Variants in RNF212 observed in about 807,000 individuals in gnomAD.
The protein encoded by RNF212 is probable E3 SUMO-protein ligase RNF212.
In RNF212, 33 loss-of-function variants were observed where a neutral mutation model predicts 34.7. The observed-to-expected ratio is 0.95, with a 90% CI of 0.72 to 1.27. The LOEUF is 1.27. Ranked by LOEUF, RNF212 falls within the 50% of genes most tolerant of loss-of-function variation. The pLI is 0.00. For missense variants in RNF212, 377 were observed against 362.2 expected (o/e 1.04, Z -0.33); for synonymous variants, 140 against 136.1 (o/e 1.03, Z -0.20).
At chr4:1,064,267 C>T (rs1023223247) in intron 3 of RNF212, among the ~76,000 whole-genome samples, 1 of 152,268 alleles carries the variant, frequency 6.6e-6, no homozygotes, top group Admixed American at 6.5e-5. Context: ...CTATATGGAG[C>T]AATGTGGTTA....
chr4:1,092,337 T>C (rs1330628908), intron 3 of RNF212, among the ~76,000 whole-genome samples: 2 of 152,182 alleles, frequency 1.3e-5, no homozygotes, highest in Non-Finnish European at 2.9e-5. Context: ...CAAGGGGACC[T>C]GAGCAGCAGA....
intron 3 of RNF212, among the ~76,000 whole-genome samples, chr4:1,065,254 T>C (rs1718018390): frequency 6.6e-6 from 1 of 152,250 alleles, no homozygotes; most frequent in Non-Finnish European, 1.5e-5. Context: ...TCACCAACAG[T>C]GCACATGCTT....
intron 4 of RNF212, among the ~76,000 whole-genome samples, chr4:1,057,500 G>T (rs1016376192): frequency 2.6e-5 from 4 of 152,168 alleles, no homozygotes; most frequent in African/African-American, 9.7e-5. Context: ...CTGGGGCTGA[G>T]TCCAGCCTGC....
intron 4 of RNF212, 121 bp from the exon 5 acceptor site, chr4:1,086,075 C>G (rs1721115125): frequency 2.6e-6 from 2 of 757,714 alleles, no homozygotes; most frequent in Non-Finnish European, 4.7e-6. Context: ...TGCCCTCACG[C>G]TGCTCAGGAG....
intron 8 of RNF212, among the ~76,000 whole-genome samples, 166 bp downstream of exon 8, chr4:1,079,477 T>C (rs1001443625): frequency 6.6e-6 from 1 of 152,234 alleles, no homozygotes; most frequent in Non-Finnish European, 1.5e-5. Context: ...ACCCAGCTTA[T>C]AGCCACAGCC....
downstream of RNF212, among the ~76,000 whole-genome samples, chr4:1,068,283 C>G (rs979429096): frequency 2.0e-5 from 3 of 152,220 alleles, no homozygotes; most frequent in Non-Finnish European, 4.4e-5. Flanking sequence ...CGACAGGGTC[C>G]GGAAGAAAGC....
intron 2 of RNF212, among the ~76,000 whole-genome samples, chr4:1,102,573 CA>C (rs1038952776): frequency 1.4e-4 from 7 of 51,042 alleles, no homozygotes; most frequent in African/African-American, 2.4e-4. Context: ...TACAAAAATA[CA>C]AAAAAAAAAC....
chr4:1,087,889 T>C (rs1186605678), intron 4 of RNF212, among the ~76,000 whole-genome samples: 1 of 152,068 alleles, frequency 6.6e-6, no homozygotes, highest in African/African-American at 2.4e-5. Context: ...TCTGCCATGA[T>C]TGTAAGTTTC....
Position 1,057,789 on chromosome 4 carries a change from G to T in RNF212, n.220+532C>A, listed in dbSNP as rs189670789. On this transcript the variant is annotated intron_variant and non_coding_transcript_variant, in intron 4 of 4. Transcript: ENST00000503206. ...TTCAAAAAAGCAAACTCCTGGCTGG[G>T]CATGGTGGCTCACGCCTGTAATCCC... Among the ~76,000 whole-genome samples, 254 of 152,340 alleles carry T rather than the reference G, an allele frequency of 1.7e-3. 6 individuals are homozygous for T. In the South Asian group the frequency reaches 0.045, roughly 27 times the overall value.
At chr4:1,061,974 C>T (rs1481318209) in intron 3 of RNF212, among the ~76,000 whole-genome samples, 1 of 152,154 alleles carries the variant, frequency 6.6e-6, no homozygotes, top group African/African-American at 2.4e-5. Flanking sequence ...CGGCCCAGAT[C>T]GCATTTCCTA....
At chr4:1,083,236 C>T (rs1408210551) in intron 5 of RNF212, among the ~76,000 whole-genome samples, 1 of 152,168 alleles carries the variant, frequency 6.6e-6, no homozygotes, top group Admixed American at 6.5e-5. Context: ...AAAAAGGCTG[C>T]CTGTGAAATG....
intron 1 of RNF212, among the ~76,000 whole-genome samples, chr4:1,110,882 G>C (rs755915540): frequency 1.1e-4 from 17 of 152,150 alleles, no homozygotes; most frequent in Non-Finnish European, 2.2e-4. Context: ...AATGCACTCA[G>C]ACTACTGGAA....
downstream of RNF212, among the ~76,000 whole-genome samples, chr4:1,068,647 A>C (rs1718245769): frequency 6.6e-6 from 1 of 152,148 alleles, no homozygotes; most frequent in South Asian, 2.1e-4. Context: ...TCCCATATTC[A>C]CCATTCCCCA....
chr4:1,085,861 T>TC, intron 5 of RNF212, 35 bp downstream of exon 5: 1 of 1,515,474 alleles, frequency 6.6e-7, no homozygotes, highest in Non-Finnish European at 9.2e-7. Context: ...AGTGGGTGCC[T>TC]CGACTGCGCA....
chr4:1,058,756 C>T (rs548856027), intron 3 of RNF212, among the ~76,000 whole-genome samples: 92 of 152,346 alleles, frequency 6.0e-4, no homozygotes, highest in African/African-American at 1.9e-3. Context: ...GAGTTTCAGC[C>T]TCACTGAGGG....
intron 3 of RNF212, chr4:1,093,787 G>A (rs752280435): frequency 3.3e-6 from 5 of 1,536,236 alleles, no homozygotes; most frequent in Non-Finnish European, 3.5e-6. Flanking sequence ...TGCTGGGATG[G>A]AGCAGGGTGA....
intron 2 of RNF212, among the ~76,000 whole-genome samples, chr4:1,107,613 C>G (rs1725030094): frequency 6.6e-6 from 1 of 151,912 alleles, no homozygotes; most frequent in East Asian, 1.9e-4. Flanking sequence ...CCACGCCCAA[C>G]TAATTTTTTT....
At chr4:1,089,099 C>T (rs13146371) in intron 4 of RNF212, among the ~76,000 whole-genome samples, 95,421 of 152,072 alleles carry the variant, frequency 0.63, 30,380 homozygotes, top group Middle Eastern at 0.7. Flanking sequence ...GTCCTCCAGA[C>T]GCCAGAATGG....
chr4:1,085,647 A>G (rs1721044621), intron 5 of RNF212: 7 of 553,332 alleles, frequency 1.3e-5, no homozygotes, highest in South Asian at 9.0e-5. Flanking sequence ...CCACTGCCTC[A>G]GCAATCACTG....
Sources: gnomAD v4.1 joint callset for allele counts (sites outside exome capture counted in the v4.1 genomes callset) on GRCh38, gnomAD v4.1.1 for gene constraint, MANE v1.5 for transcripts, NCBI Gene and HGNC (gene_info 2026-07-23, HGNC 2026-07-21) for gene names.